TNFAIP3: variants seen among roughly 807,000 people sequenced by gnomAD.
The protein encoded by TNFAIP3 is tumor necrosis factor alpha-induced protein 3.
Under a neutral mutation model 72.4 loss-of-function variants are expected in TNFAIP3, and 9 were observed. That is an observed-to-expected ratio of 0.12 (90% CI 0.07 to 0.22). The LOEUF (loss-of-function observed/expected upper bound fraction) is 0.22. Ranked by LOEUF, TNFAIP3 falls within the 10% of genes least tolerant of loss-of-function variation. The pLI is 1.00. For synonymous variants in TNFAIP3, 339 were observed against 372.6 expected, an observed-to-expected ratio of 0.91 and a Z score of 1.04; for missense variants, 833 against 1,018.7, an observed-to-expected ratio of 0.82 and a Z score of 2.48.
At chr6:137,869,582 A>C (rs1018800175) in intron 1 of TNFAIP3, among the ~76,000 whole-genome samples, 2 of 152,160 alleles carry the variant, frequency 1.3e-5, no homozygotes, top group Non-Finnish European at 2.9e-5. Flanking sequence ...TAAGAATCCC[A>C]ATCTAAAACT....
At chr6:137,875,250 C>T (rs533968754) in intron 3 of TNFAIP3, among the ~76,000 whole-genome samples, 222 of 152,210 alleles carry the variant, frequency 1.5e-3, no homozygotes, top group Non-Finnish European at 2.2e-3. Flanking sequence ...GCTGTGGATC[C>T]GTTCCTGTAG....
chr6:137,873,259 G>T (rs897092366), intron 2 of TNFAIP3, among the ~76,000 whole-genome samples: 2 of 152,170 alleles, frequency 1.3e-5, no homozygotes, highest in African/African-American at 4.8e-5. Context: ...CCTGATAGGA[G>T]GGTTCTTCAA....
At chr6:137,868,259 C>G (rs1286016679) in intron 1 of TNFAIP3, 1 of 152,400 alleles carries the variant, frequency 6.6e-6, no homozygotes, top group Non-Finnish European at 1.5e-5. Flanking sequence ...AGGAGCTTAA[C>G]TCTTTTTGAG....
At position 137,882,564 on chromosome 6, in the gene TNFAIP3, A is replaced by G. The variant is rs1776498521; in HGVS notation, c.*1245A>G. The G allele has an allele frequency of 4.3e-6, 1 of 232,618 alleles. No homozygotes were observed. Among genetic ancestry groups the G allele is most frequent in the Admixed American group, 5.6e-5 (1 of 17,768 alleles). 14.4% of individuals were successfully genotyped at this position (232,618 alleles called of 1,614,324 possible). The stretch of plus-strand genomic sequence containing the variant: ...TCTCCTTATGAAACTCCAGCTATGT[A>G]ATAAAAAACTATACTCTGTGTTCTG... On this transcript the variant is annotated 3_prime_UTR_variant, in exon 9 of 9. Coordinates refer to ENST00000612899, the MANE Select transcript of TNFAIP3 (RefSeq NM_001270508.2).
intron 5 of TNFAIP3, 22 bp from the exon 6 acceptor site, chr6:137,877,054 T>C (rs1269530641): frequency 6.4e-7 from 1 of 1,560,916 alleles, no homozygotes; most frequent in Admixed American, 1.9e-5. Context: ...CTGTTTTACT[T>C]ATGTATTATT....
intron 1 of TNFAIP3, among the ~76,000 whole-genome samples, chr6:137,869,058 A>AC (rs925651594): frequency 1.3e-5 from 2 of 152,156 alleles, no homozygotes; most frequent in African/African-American, 4.8e-5. Flanking sequence ...TTTCCATCTG[A>AC]TTGTGGCAGG....
chr6:137,877,132 G>A lies in TNFAIP3; in HGVS notation c.862G>A (p.Val288Ile), dbSNP rs1410081650. 1.2e-6 allele frequency: 2 copies of A among 1,613,646 alleles called. No homozygotes were observed. Among genetic ancestry groups the A allele is most frequent in the African/African-American group, 2.7e-5 (2 of 75,018 alleles). ...CCGGGGAAGATTTGAAGACTTAAAA[G>A]TTCACTTTTTGACAGATCCTGAAAA... ...RDRGRFEDLK[V>I]HFLTDPENEM... Residue 288 changes from valine to isoleucine, a missense_variant, in exon 6 of 9, where the codon GTT becomes ATT. By Grantham distance (29) the Val-to-Ile change is conservative. Coordinates refer to ENST00000612899, the MANE Select transcript of TNFAIP3 (RefSeq NM_001270508.2).
At position 137,880,211 on chromosome 6, in the gene TNFAIP3, A is replaced by G; in HGVS notation, c.2047A>G (p.Asn683Asp). 6.2e-7 allele frequency: 1 copy of G among 1,614,184 alleles called. No homozygotes were observed. Among genetic ancestry groups the G allele is most frequent in the Middle Eastern group, 1.6e-4 (1 of 6,062 alleles). Residue 683 changes from asparagine to aspartate, a missense_variant, in exon 8 of 9, where the codon AAT (asparagine) becomes GAT (aspartate). By Grantham distance (23) the Asn-to-Asp change is conservative. Around this residue, in one of 2 missense-constraint regions of TNFAIP3, gnomAD observed 587 missense variants for 657.8 expected, o/e 0.89. Transcript: ENST00000612899. ...YCQKCFIEAQ[N>D]QRFHEAKRTE... ...CCAGAAGTGTTTCATTGAAGCTCAG[A>G]ATCAGAGATTTCATGAGGCCAAAAG... is the stretch of plus-strand genomic sequence containing the variant.
intron 2 of TNFAIP3, among the ~76,000 whole-genome samples, chr6:137,873,279 CTGTT>C (rs773350569): frequency 6.6e-6 from 1 of 152,094 alleles, no homozygotes; most frequent in Non-Finnish European, 1.5e-5. Flanking sequence ...AAGGCAATAT[CTGTT>C]TGGGGAGGGG....
chr6:137,873,717 C>A (rs941281079), intron 2 of TNFAIP3, among the ~76,000 whole-genome samples: 2 of 152,130 alleles, frequency 1.3e-5, no homozygotes, highest in African/African-American at 2.4e-5. Context: ...TGCCAAGACA[C>A]AAGGCTTGGG....
At position 137,879,254 on chromosome 6, in the gene TNFAIP3, G is replaced by T. The variant is rs201052251; in HGVS notation, c.1809G>T (p.Gly603=). The change falls in exon 7 of 9, where the codon GGG becomes GGT. Residue 603 remains glycine (G), a synonymous_variant. Transcript: ENST00000612899. ...QAARTPGDRT[G]TSKCRKAGCV... The stretch of plus-strand genomic sequence containing the variant: ...CACGGACTCCTGGGGACAGGACGGG[G>T]ACGAGCAAGTGCAGAAAAGCCGGCT... The T allele has an allele frequency of 1.4e-4, 219 of 1,614,072 alleles. No individual in the cohort carries two copies. Among genetic ancestry groups the T allele is most frequent in the Admixed American group, 6.3e-4 (38 of 60,004 alleles).
In TNFAIP3 at chr6:137,875,826, G is replaced by A. The variant is rs765193387; in HGVS notation, c.625G>A (p.Val209Ile). 6.2e-7 allele frequency: 1 copy of A among 1,614,156 alleles called. No homozygotes were observed. Among genetic ancestry groups the A allele is most frequent in the Non-Finnish European group, 8.5e-7 (1 of 1,180,026 alleles). ...CAACATCCTCAGAAGGCCAATCATTGTCATTTCAGGTGAGATGCCTGCAGA... is the reference window on the plus strand; with the variant it reads ...CAACATCCTCAGAAGGCCAATCATTATCATTTCAGGTGAGATGCCTGCAGA... ...LCNILRRPII[V>I]ISDKMLRSLE... The change falls in exon 4 of 9, where the codon GTC becomes ATC. Residue 209 changes from valine (V) to isoleucine (I), a missense_variant. Physicochemically the swap from Val to Ile is conservative, Grantham distance 29 (BLOSUM62 3). Coordinates refer to ENST00000612899, the MANE Select transcript of TNFAIP3 (RefSeq NM_001270508.2).
rs771436999 is a variant in TNFAIP3 at position 137,881,215 on chromosome 6, C to A, written c.2269C>A (p.Pro757Thr). ...CCGGGGTGAGCCTGCCCCCGAAGACCCCCCCAAGCAGCGTTGCCGGGCCCC... is the reference window on the plus strand; with the variant it reads ...CCGGGGTGAGCCTGCCCCCGAAGACACCCCCAAGCAGCGTTGCCGGGCCCC... Reference protein sequence around the residue: ...AHRGEPAPEDPPKQRCRAPAC... With the variant: ...AHRGEPAPEDTPKQRCRAPAC... Residue 757 changes from proline (P) to threonine (T), a missense_variant, in exon 9 of 9, where the codon CCC becomes ACC. Around this residue, in one of 2 missense-constraint regions of TNFAIP3, gnomAD observed 587 missense variants for 657.8 expected, o/e 0.89. Coordinates refer to ENST00000612899, the MANE Select transcript of TNFAIP3 (RefSeq NM_001270508.2). The surrounding 1 kb of genome is among the most constrained non-coding windows in gnomAD (Gnocchi z 5.0). 9.9e-6 allele frequency: 16 copies of A among 1,611,830 alleles called. No homozygotes were observed. Among genetic ancestry groups the A allele is most frequent in the Non-Finnish European group, 1.3e-5 (15 of 1,179,160 alleles).
chr6:137,876,185 T>A lies in TNFAIP3; in HGVS notation c.805+19T>A, dbSNP rs1250621744. The A allele has an allele frequency of 2.5e-6, 4 of 1,602,362 alleles. No individual in the cohort carries two copies. Among genetic ancestry groups the A allele is most frequent in the Non-Finnish European group, 2.6e-6 (3 of 1,173,942 alleles). The stretch of plus-strand genomic sequence containing the variant: ...GGGCCTGGTGAGAAAACTGCATTAA[T>A]TCACATCTATAACTAGACACTGAAA... On this transcript the variant is annotated intron_variant, in intron 5 of 8. Transcript: ENST00000612899.
In TNFAIP3 at chr6:137,873,635, A is replaced by G. The variant is rs5029935; in HGVS notation, c.296-1210A>G. On this transcript the variant is annotated intron_variant, in intron 2 of 8. Transcript: ENST00000612899. The stretch of plus-strand genomic sequence containing the variant: ...AGAACTGAAAGTAAGCACAAGAAGA[A>G]AAAAAGCCTTATCTTTGCTCTAGAT... Among the ~76,000 whole-genome samples the G allele has an allele frequency of 2.3e-3, 344 of 152,334 alleles. 3 individuals carry two copies. The East Asian group carries it at 0.03, about 13-fold the overall frequency.
chr6:137,881,008 A>G lies in TNFAIP3; in HGVS notation c.2089-27A>G. On this transcript the variant is annotated intron_variant, in intron 8 of 8. Coordinates refer to ENST00000612899, the MANE Select transcript of TNFAIP3 (RefSeq NM_001270508.2). The surrounding 1 kb of genome is among the most constrained non-coding windows in gnomAD (Gnocchi z 5.0). ...GTGAGCAATAGTTTCCTGACTTTTT[A>G]ATGATCTGCCTGTTCTTTCCACTCA... The G allele has an allele frequency of 6.4e-7, 1 of 1,555,846 alleles. No individual in the cohort carries two copies. The highest frequency in any genetic ancestry group is 8.7e-7 in the Non-Finnish European group (1 of 1,149,306).
Position 137,881,587 on chromosome 6 carries a change from G to A in TNFAIP3, c.*268G>A, listed in dbSNP as rs1776465387. 1.0e-5 allele frequency: 4 copies of A among 395,272 alleles called. No homozygotes were observed. The highest frequency in any genetic ancestry group is 1.8e-5 in the Non-Finnish European group (4 of 222,714). The allele number at this position is 395,272 out of a possible 1,614,324, so 24.5% of individuals were successfully genotyped here. A position where few individuals can be genotyped will look rare whatever the true frequency, so the allele number is the denominator to read the frequency against. On this transcript the variant is annotated 3_prime_UTR_variant, in exon 9 of 9. Transcript: ENST00000612899. This position sits in a 1 kb window ranked among gnomAD's most constrained non-coding sequence, Gnocchi z 5.0. The stretch of plus-strand genomic sequence containing the variant: ...AAGGTTCCTCCTCTCCTACCAAGCA[G>A]GAGGCCAGGAACTTCTTTGGACTTG...
At chr6:137,879,948 A>C in intron 7 of TNFAIP3, 123 bp from the exon 8 acceptor site, 3 of 698,914 alleles carry the variant, frequency 4.3e-6, no homozygotes, top group Non-Finnish European at 7.1e-6. Context: ...ACATATATAT[A>C]TTTCTATACA....
At position 137,881,373 on chromosome 6, in the gene TNFAIP3, A is replaced by G. The variant is rs987899562; in HGVS notation, c.*54A>G. Reference sequence around the variant, plus strand: ...GAAGTGGGGCCTCGAGCTGTCAGTCATCATGGTGCTATCCTCTGAACCCCT... The same window carrying G: ...GAAGTGGGGCCTCGAGCTGTCAGTCGTCATGGTGCTATCCTCTGAACCCCT... On this transcript the variant is annotated 3_prime_UTR_variant, in exon 9 of 9. Transcript: ENST00000612899. This position sits in a 1 kb window ranked among gnomAD's most constrained non-coding sequence, Gnocchi z 5.0. 11 of 1,478,442 alleles carry G rather than the reference A, an allele frequency of 7.4e-6. No individual in the cohort carries two copies. In the East Asian group the frequency reaches 1.8e-4, roughly 25 times the overall value. 91.6% of individuals were successfully genotyped at this position (1,478,442 alleles called of 1,614,324 possible).
Sources: gnomAD v4.1 joint callset for allele counts (sites outside exome capture counted in the v4.1 genomes callset) on GRCh38, gnomAD v4.1.1 for gene constraint, gnomAD v4.1.1 regional missense constraint, Gnocchi (gnomAD v3.1) non-coding constraint, MANE v1.5 for transcripts, NCBI Gene and HGNC (gene_info 2026-07-23, HGNC 2026-07-21) for gene names.